CCSER1: variants seen among roughly 807,000 people sequenced by gnomAD.
CCSER1 encodes the protein serine-rich coiled-coil domain-containing protein 1.
Under a neutral mutation model 82.0 loss-of-function variants are expected in CCSER1, and 41 were observed. That is an observed-to-expected ratio of 0.50 (90% confidence interval 0.39 to 0.65). The LOEUF is 0.65. Among genes scored for constraint, CCSER1 ranks in the 30% least tolerant of loss-of-function variants. CCSER1 has a pLI of 0.00. For missense variants in CCSER1, 1,119 were observed against 1,064.2 expected (o/e 1.05, Z -0.72); for synonymous variants, 414 against 383.9 (o/e 1.08, Z -0.92).
intron 10 of CCSER1, among the ~76,000 whole-genome samples, chr4:91,118,284 CTTT>C (rs1251894474): frequency 1.6e-5 from 2 of 123,254 alleles, no homozygotes. Flanking sequence ...GTTATGGAGA[CTTT>C]TTTTTTTTTT....
rs146274570 is a variant in CCSER1 at position 91,293,829 on chromosome 4, G to A, written c.2217+207835G>A. Reference sequence around the variant, plus strand: ...AAAAGAATAGCAAAAGATATTATGTGGTCAGGCTGTCAAGTTTAAAAGCCT... The same window carrying A: ...AAAAGAATAGCAAAAGATATTATGTAGTCAGGCTGTCAAGTTTAAAAGCCT... On this transcript the variant is annotated intron_variant, in intron 10 of 10. Transcript: ENST00000509176. 1.6e-3 allele frequency among the ~76,000 whole-genome samples: 241 copies of A among 151,964 alleles called. 1 individual carries two copies. Among genetic ancestry groups the A allele is most frequent in the African/African-American group, 5.5e-3 (229 of 41,512 alleles).
At chr4:90,289,307 T>A (rs1047937572) in intron 1 of CCSER1, among the ~76,000 whole-genome samples, 3 of 151,890 alleles carry the variant, frequency 2.0e-5, no homozygotes, top group African/African-American at 7.2e-5. Context: ...CCTTTTACCT[T>A]ATAGGAAATT....
intron 10 of CCSER1, among the ~76,000 whole-genome samples, chr4:91,512,555 G>A (rs1759882205): frequency 6.6e-6 from 1 of 152,102 alleles, no homozygotes; most frequent in African/African-American, 2.4e-5. Context: ...AGCCTATTGT[G>A]AGCCTTTACC....
intron 10 of CCSER1, among the ~76,000 whole-genome samples, chr4:91,113,039 T>C (rs1258975652): frequency 6.6e-6 from 1 of 152,230 alleles, no homozygotes; most frequent in Non-Finnish European, 1.5e-5. Flanking sequence ...ACCTATTCTG[T>C]GGCATATTTG....
At chr4:90,843,160 A>G (rs1580738145) in intron 8 of CCSER1, among the ~76,000 whole-genome samples, 1 of 152,056 alleles carries the variant, frequency 6.6e-6, no homozygotes, top group South Asian at 2.1e-4. Flanking sequence ...TCATTTCTTC[A>G]GTTTTCTCAT....
intron 8 of CCSER1, among the ~76,000 whole-genome samples, chr4:90,888,825 T>C (rs1001972834): frequency 6.6e-6 from 1 of 152,192 alleles, no homozygotes; most frequent in South Asian, 2.1e-4. Flanking sequence ...ATAGCATTAG[T>C]AAAGCTTTTT....
At chr4:90,808,785 T>C (rs1372648047) in intron 7 of CCSER1, among the ~76,000 whole-genome samples, 1 of 152,342 alleles carries the variant, frequency 6.6e-6, no homozygotes, top group African/African-American at 2.4e-5. Context: ...ACTTATGCAC[T>C]GCTGATGAGA....
At chr4:90,648,261 A>AAAGC in intron 6 of CCSER1, among the ~76,000 whole-genome samples, 1 of 145,256 alleles carries the variant, frequency 6.9e-6, no homozygotes, top group Non-Finnish European at 1.5e-5. Context: ...AAAAAAGAAG[A>AAAGC]AAGAAAGAGA....
intron 10 of CCSER1, among the ~76,000 whole-genome samples, chr4:91,362,650 A>G (rs1749327004): frequency 6.6e-6 from 1 of 151,846 alleles, no homozygotes; most frequent in Admixed American, 6.6e-5. Context: ...GAGCATATAG[A>G]TTGAGATGGC....
At chr4:91,025,663 A>C (rs562940664) in intron 9 of CCSER1, among the ~76,000 whole-genome samples, 1 of 152,284 alleles carries the variant, frequency 6.6e-6, no homozygotes, top group East Asian at 1.9e-4. Flanking sequence ...CAAGGACAGC[A>C]GGATGTTTTG....
At chr4:90,803,697 A>C (rs1246273876) in intron 7 of CCSER1, among the ~76,000 whole-genome samples, 2 of 152,096 alleles carry the variant, frequency 1.3e-5, no homozygotes, top group African/African-American at 4.8e-5. Flanking sequence ...TTTATACTAG[A>C]ATGATTTATA....
intron 8 of CCSER1, among the ~76,000 whole-genome samples, chr4:90,838,509 T>C (rs1227374009): frequency 6.6e-6 from 1 of 151,792 alleles, no homozygotes; most frequent in East Asian, 1.9e-4. Context: ...TTAAACTTTT[T>C]ATTTGCATAT....
chr4:91,021,134 A>G (rs558407094), intron 9 of CCSER1, among the ~76,000 whole-genome samples: 45 of 152,190 alleles, frequency 3.0e-4, no homozygotes, highest in Non-Finnish European at 5.9e-4. Context: ...TTAATATCAT[A>G]AAGAAATTTT....
chr4:91,343,065 T>G (rs995768099), intron 10 of CCSER1, among the ~76,000 whole-genome samples: 2 of 152,088 alleles, frequency 1.3e-5, no homozygotes, highest in Non-Finnish European at 2.9e-5. Context: ...TGTTATATAA[T>G]ACATTATAAA....
chr4:90,877,183 G>A (rs1767322379), intron 8 of CCSER1, among the ~76,000 whole-genome samples: 1 of 152,078 alleles, frequency 6.6e-6, no homozygotes, highest in East Asian at 1.9e-4. Context: ...AGCTTGATCT[G>A]CTTAAAGTTA....
chr4:91,495,142 T>G (rs1758735693), intron 10 of CCSER1, among the ~76,000 whole-genome samples: 1 of 151,730 alleles, frequency 6.6e-6, no homozygotes, highest in South Asian at 2.1e-4. Context: ...AGTTCTGTAA[T>G]TATGATTAGA....
intron 10 of CCSER1, among the ~76,000 whole-genome samples, chr4:91,195,716 A>G (rs1735352229): frequency 1.3e-5 from 2 of 152,214 alleles, no homozygotes; most frequent in Admixed American, 6.5e-5. Flanking sequence ...CATACTTAAT[A>G]TAAGAAAAAT....
At chr4:91,492,143 A>G (rs1758582137) in intron 10 of CCSER1, among the ~76,000 whole-genome samples, 1 of 151,984 alleles carries the variant, frequency 6.6e-6, no homozygotes, top group African/African-American at 2.4e-5. Context: ...CTTATCTCCT[A>G]CAGGAAGTAG....
chr4:91,497,020 C>A (rs1208320439), intron 10 of CCSER1, among the ~76,000 whole-genome samples: 1 of 150,162 alleles, frequency 6.7e-6, no homozygotes, highest in Non-Finnish European at 1.5e-5. Flanking sequence ...CTATTCTTTT[C>A]TGTATTAGAT....
Sources: allele counts gnomAD v4.1 joint callset (sites outside exome capture counted in the v4.1 genomes callset), GRCh38; gene constraint gnomAD v4.1.1; transcripts MANE v1.5; gene names NCBI Gene and HGNC (gene_info 2026-07-23, HGNC 2026-07-21).